Variants in CUX1 observed in about 807,000 individuals in gnomAD.
The protein encoded by CUX1 is cut like homeobox 1.
A neutral mutation model predicts 158.8 loss-of-function variants in CUX1; 31 were observed. That is an observed-to-expected ratio of 0.20 (90% CI 0.15 to 0.26). The LOEUF is 0.26. Ranked by LOEUF, CUX1 falls within the 10% of genes least tolerant of loss-of-function variation. The pLI is 1.00. For missense variants in CUX1, 1,589 were observed against 2,014.6 expected (o/e 0.79, Z 4.04); for synonymous variants, 879 against 862.1 (o/e 1.02, Z -0.34).
intron 4 of CUX1, among the ~76,000 whole-genome samples, chr7:102,070,733 G>A (rs551350702): frequency 1.1e-4 from 17 of 152,310 alleles, no homozygotes; most frequent in Non-Finnish European, 2.2e-4. Flanking sequence ...GACCTGATGT[G>A]TGTATGCTGT....
At chr7:101,934,642 C>T (rs1806706901) in intron 2 of CUX1, among the ~76,000 whole-genome samples, 2 of 152,124 alleles carry the variant, frequency 1.3e-5, no homozygotes, top group Non-Finnish European at 1.5e-5. Context: ...TGAAGTTGCC[C>T]GCTCCGTCCA....
rs564135582 is a variant in CUX1, at chr7:102,113,513, C to T, written c.608-1694C>T. Among the ~76,000 whole-genome samples, 6 of 152,288 alleles carry T rather than the reference C, an allele frequency of 3.9e-5. No individual in the cohort carries two copies. The South Asian group carries it at 1.2e-3, about 32-fold the overall frequency. On this transcript the variant is annotated intron_variant, in intron 7 of 23. Coordinates refer to ENST00000292535, the MANE Select transcript of CUX1 (RefSeq NM_181552.4). ...TCAAGTGATCCACCTGCCTCAGCCT[C>T]CGAAAGTGCTAGGATTACAGGCATG...
At chr7:101,986,320 C>T (rs2129229527) in intron 2 of CUX1, among the ~76,000 whole-genome samples, 1 of 152,268 alleles carries the variant, frequency 6.6e-6, no homozygotes, top group South Asian at 2.1e-4. Flanking sequence ...CTTTTTTGGG[C>T]TGTGACCCAA....
intron 23 of CUX1, among the ~76,000 whole-genome samples, chr7:102,245,972 CA>C (rs61702654): frequency 0.013 from 1,524 of 113,466 alleles, 10 homozygotes; most frequent in African/African-American, 0.021. Flanking sequence ...ACTCCCTTCT[CA>C]AAAAAAAAAA....
At position 102,113,987 on chromosome 7, in the gene CUX1, G is replaced by C. The variant is rs146111071; in HGVS notation, c.608-1220G>C. Among the ~76,000 whole-genome samples, 894 of 152,290 alleles carry C rather than the reference G, an allele frequency of 5.9e-3. 7 individuals carry two copies. The highest frequency in any genetic ancestry group is 0.019 in the South Asian group (90 of 4,830). On this transcript the variant is annotated intron_variant, in intron 7 of 23. Transcript: ENST00000292535. ...TGGATGGGCATGGAAGGAGCCTCTT[G>C]GGAGGCCAGCTGGGTGGCATTTATG...
intron 1 of CUX1, among the ~76,000 whole-genome samples, chr7:101,886,605 G>A (rs990296243): frequency 2.0e-5 from 3 of 152,272 alleles, no homozygotes; most frequent in Non-Finnish European, 4.4e-5. Flanking sequence ...CCTGGCCCCC[G>A]TGCCTGCCAG....
intron 20 of CUX1, among the ~76,000 whole-genome samples, chr7:102,223,023 C>T (rs1041258110): frequency 3.3e-5 from 5 of 151,012 alleles, no homozygotes; most frequent in African/African-American, 9.7e-5. Flanking sequence ...AGGCTGGTCT[C>T]GAACTCCTGA....
At chr7:102,246,346 G>C (rs1343465813) in intron 23 of CUX1, among the ~76,000 whole-genome samples, 3 of 152,096 alleles carry the variant, frequency 2.0e-5, no homozygotes, top group African/African-American at 7.2e-5. Flanking sequence ...TGGAACTTCT[G>C]GGGGGCTTCT....
intron 2 of CUX1, among the ~76,000 whole-genome samples, chr7:102,001,045 T>C (rs1313427491): frequency 6.6e-6 from 1 of 152,028 alleles, no homozygotes; most frequent in African/African-American, 2.4e-5. Flanking sequence ...TCCCAAAGCA[T>C]TGGGATTACA....
rs146475043 is a variant in CUX1 at position 102,088,834 on chromosome 7, C to T, written c.269-8530C>T. ...AATTTTGATTTCAGAAACTCTCTTA[C>T]GCTTACTGGTGTTCTTTGGGTTTAT... On this transcript the variant is annotated intron_variant, in intron 4 of 23. Transcript: ENST00000292535. 5.3e-3 allele frequency among the ~76,000 whole-genome samples: 807 copies of T among 152,204 alleles called. 5 individuals carry two copies. The highest frequency in any genetic ancestry group is 0.016 in the African/African-American group (647 of 41,512).
At chr7:102,092,220 C>T (rs1828651267) in intron 4 of CUX1, among the ~76,000 whole-genome samples, 1 of 152,216 alleles carries the variant, frequency 6.6e-6, no homozygotes, top group Non-Finnish European at 1.5e-5. Flanking sequence ...CACAGGCTCC[C>T]TCTCCCAGAT....
chr7:102,168,893 CTTTTCTTTTCTTTTCTTTTA>C (rs1312519453), intron 9 of CUX1, among the ~76,000 whole-genome samples: 216 of 124,026 alleles, frequency 1.7e-3, no homozygotes, highest in Middle Eastern at 4.2e-3. Flanking sequence ...CTTTTCTTTT[CTTTTCTTTTCTTTTCTTTTA>C]TTTTCTTTTC....
chr7:101,872,602 A>C (rs963398360), intron 1 of CUX1, among the ~76,000 whole-genome samples: 14 of 151,456 alleles, frequency 9.2e-5, no homozygotes, highest in Middle Eastern at 3.2e-3. Context: ...TGTTAGGTAC[A>C]TAGGAATTTA....
intron 22 of CUX1, among the ~76,000 whole-genome samples, chr7:102,237,266 C>T: frequency 6.6e-6 from 1 of 151,848 alleles, no homozygotes; most frequent in East Asian, 1.9e-4. Context: ...TCTCTGTTGC[C>T]CAGGCTGGAG....
intron 3 of CUX1, among the ~76,000 whole-genome samples, chr7:102,034,817 C>G (rs1334854291): frequency 2.0e-5 from 3 of 150,978 alleles, no homozygotes; most frequent in Non-Finnish European, 4.4e-5. Flanking sequence ...GCCTGTACAC[C>G]TAGCTATGCA....
At chr7:101,939,129 C>A (rs1196107440) in intron 2 of CUX1, among the ~76,000 whole-genome samples, 4 of 129,056 alleles carry the variant, frequency 3.1e-5, no homozygotes, top group African/African-American at 5.8e-5. Flanking sequence ...GTTCCACTGT[C>A]CCCCCTATTC....
chr7:102,093,464 GGT>G (rs1554483004), intron 4 of CUX1, among the ~76,000 whole-genome samples: 1 of 152,170 alleles, frequency 6.6e-6, no homozygotes, highest in Non-Finnish European at 1.5e-5. Context: ...TGAGATTACA[GGT>G]GTGAGCCACT....
At chr7:102,050,297 TA>T (rs1489123533) in intron 3 of CUX1, among the ~76,000 whole-genome samples, 16 of 152,204 alleles carry the variant, frequency 1.1e-4, no homozygotes, top group Admixed American at 1.0e-3. Flanking sequence ...GATGATGGCA[TA>T]AAAGCAGTGC....
chr7:102,115,530 A>G (rs1831352317), intron 8 of CUX1: 5 of 385,668 alleles, frequency 1.3e-5, no homozygotes, highest in Non-Finnish European at 2.3e-5. Context: ...GTTAGTTTAT[A>G]TAAGATGTGA....
Sources: allele counts gnomAD v4.1 joint callset (sites outside exome capture counted in the v4.1 genomes callset), GRCh38; gene constraint gnomAD v4.1.1; transcripts MANE v1.5; gene names NCBI Gene and HGNC (gene_info 2026-07-23, HGNC 2026-07-21).